Variants in PRRX1 observed in about 807,000 individuals in gnomAD.
PRRX1 encodes the protein paired related homeobox 1.
A neutral mutation model predicts 24.0 loss-of-function variants in PRRX1; 8 were observed. The ratio of observed to expected loss-of-function variants is 0.33; its 90% CI spans 0.20 to 0.60. PRRX1 has a LOEUF of 0.60. Among genes scored for constraint, PRRX1 ranks in the 20% least tolerant of loss-of-function variants. The probability of loss-of-function intolerance (pLI) is 0.82; values close to 1 mark genes in which losing one functional copy is unlikely to be tolerated. For synonymous variants in PRRX1, 160 were observed against 131.7 expected (o/e 1.22, Z -1.47); for missense variants, 281 against 322.4 (o/e 0.87, Z 0.98).
At chr1:170,665,836 C>A (rs540245503) in intron 1 of PRRX1, among the ~76,000 whole-genome samples, 1 of 152,296 alleles carries the variant, frequency 6.6e-6, no homozygotes, top group African/African-American at 2.4e-5. Flanking sequence ...GGCCTAGGGC[C>A]GATCCACCCA....
At chr1:170,729,188 A>G (rs1250348842) in intron 3 of PRRX1, among the ~76,000 whole-genome samples, 1 of 152,230 alleles carries the variant, frequency 6.6e-6, no homozygotes, top group East Asian at 1.9e-4. Flanking sequence ...TAAACCTTGC[A>G]TTGTATTGAA....
intron 1 of PRRX1, among the ~76,000 whole-genome samples, chr1:170,712,154 G>T (rs975726802): frequency 2.0e-5 from 3 of 151,914 alleles, no homozygotes; most frequent in African/African-American, 7.3e-5. Context: ...GGTACCAATT[G>T]CTTATCCGTC....
intron 1 of PRRX1, among the ~76,000 whole-genome samples, chr1:170,713,279 G>A (rs1392255582): frequency 6.6e-6 from 1 of 152,102 alleles, no homozygotes. Context: ...TAATGCGGTG[G>A]GGTGGGGAGA....
intron 1 of PRRX1, chr1:170,667,659 C>T (rs1057239915): frequency 1.3e-5 from 2 of 152,194 alleles, no homozygotes; most frequent in Non-Finnish European, 2.9e-5. Context: ...CTCTCCCCCA[C>T]CCCCAAAGGG....
Position 170,736,541 on chromosome 1 carries a change from AAACTAT to A in PRRX1, c.*357_*362del, listed in dbSNP as rs1431019578. 1.1e-5 allele frequency: 3 copies of A among 268,298 alleles called. No individual in the cohort carries two copies. The highest frequency in any genetic ancestry group is 2.0e-5 in the Non-Finnish European group (3 of 150,130). 16.6% of individuals were successfully genotyped at this position (268,298 alleles called of 1,614,324 possible). On this transcript the variant is annotated 3_prime_UTR_variant, in exon 4 of 4. Transcript: ENST00000239461. ...TTAAAAAAAACTACAGCAGCCAAAG[AAACTAT>A]ATATATATATATATATATATATATC...
chr1:170,681,019 T>C (rs1653486708), intron 1 of PRRX1, among the ~76,000 whole-genome samples: 1 of 152,220 alleles, frequency 6.6e-6, no homozygotes, highest in African/African-American at 2.4e-5. Flanking sequence ...TTATTTGTGT[T>C]TAACCTTGAG....
At chr1:170,698,890 G>A (rs1271370031) in intron 1 of PRRX1, among the ~76,000 whole-genome samples, 1 of 152,108 alleles carries the variant, frequency 6.6e-6, no homozygotes, top group Non-Finnish European at 1.5e-5. Flanking sequence ...TCTGGAGAAG[G>A]GGCCCCGGGC....
At chr1:170,664,512 G>C (rs990170687) in intron 1 of PRRX1, 53 bp downstream of exon 1, 12 of 1,556,546 alleles carry the variant, frequency 7.7e-6, no homozygotes, top group Non-Finnish European at 1.0e-5. Context: ...AGAGGGCGGG[G>C]ACCCGTGTAG....
intron 1 of PRRX1, among the ~76,000 whole-genome samples, chr1:170,666,304 G>T (rs1043204323): frequency 6.7e-6 from 1 of 149,774 alleles, no homozygotes; most frequent in Non-Finnish European, 1.5e-5. Context: ...TGTAATCCCG[G>T]TTACTCAGCA....
At chr1:170,716,039 C>T (rs959393681) in intron 1 of PRRX1, among the ~76,000 whole-genome samples, 8 of 152,104 alleles carry the variant, frequency 5.3e-5, no homozygotes, top group Non-Finnish European at 1.2e-4. Flanking sequence ...GGGCAAGTCA[C>T]GTTGTTCTTC....
intron 1 of PRRX1, among the ~76,000 whole-genome samples, chr1:170,704,001 A>G (rs937215628): frequency 6.6e-6 from 1 of 152,222 alleles, no homozygotes; most frequent in Non-Finnish European, 1.5e-5. Flanking sequence ...AAGCAAAAAT[A>G]AAAATTTTAA....
chr1:170,698,779 C>T (rs1002487838), intron 1 of PRRX1, among the ~76,000 whole-genome samples: 2 of 152,090 alleles, frequency 1.3e-5, no homozygotes, highest in African/African-American at 4.8e-5. Context: ...CTTGTCAGTC[C>T]AGCAGTCTCC....
chr1:170,680,249 A>G (rs1253468773), intron 1 of PRRX1, among the ~76,000 whole-genome samples: 2 of 152,202 alleles, frequency 1.3e-5, no homozygotes, highest in African/African-American at 4.8e-5. Flanking sequence ...TCTGCCCTGA[A>G]TGATAGACCA....
At chr1:170,705,020 A>G (rs553982242) in intron 1 of PRRX1, among the ~76,000 whole-genome samples, 10 of 152,236 alleles carry the variant, frequency 6.6e-5, no homozygotes, top group Non-Finnish European at 1.0e-4. Flanking sequence ...CCAAAGGCAC[A>G]CATGTTATTT....
intron 3 of PRRX1, among the ~76,000 whole-genome samples, chr1:170,729,607 C>A (rs1314123026): frequency 1.3e-5 from 2 of 152,126 alleles, no homozygotes; most frequent in East Asian, 3.8e-4. Flanking sequence ...TATACTAGGA[C>A]AACAGGTATA....
intron 1 of PRRX1, among the ~76,000 whole-genome samples, chr1:170,680,196 T>C (rs115583053): frequency 1.2e-3 from 190 of 152,284 alleles, no homozygotes; most frequent in Non-Finnish European, 2.3e-3. Context: ...TCTAATGAAG[T>C]ATATATAATT....
chr1:170,668,602 T>C (rs1192014063), intron 1 of PRRX1: 1 of 152,210 alleles, frequency 6.6e-6, no homozygotes, highest in African/African-American at 2.4e-5. Flanking sequence ...AGGAATTGCT[T>C]GCCCAATCTA....
At position 170,664,265 on chromosome 1, in the gene PRRX1, G is replaced by C; in HGVS notation, c.47G>C (p.Gly16Ala). The C allele has an allele frequency of 3.1e-6, 5 of 1,612,762 alleles. No individual in the cohort carries two copies. The highest frequency in any genetic ancestry group is 4.2e-6 in the Non-Finnish European group (5 of 1,179,614). ...GTTCTGGAGCGGCAACCGGCGCTGG[G>C]CGGCCGCTTGGACAGCCCGGGCAAC... ...GHVLERQPAL[G>A]GRLDSPGNLD... is the part of the protein sequence containing the mutation. The change falls in exon 1 of 4, where the codon GGC (glycine) becomes GCC (alanine). Residue 16 changes from glycine (G) to alanine (A), a missense_variant. Coordinates refer to ENST00000239461, the MANE Select transcript of PRRX1 (RefSeq NM_022716.4).
At chr1:170,728,104 T>C (rs1202092653) in intron 3 of PRRX1, 4 of 152,294 alleles carry the variant, frequency 2.6e-5, no homozygotes, top group Middle Eastern at 3.4e-3. Flanking sequence ...GGGTCCTCCA[T>C]AGGAACTTTT....
Sources: allele counts gnomAD v4.1 joint callset (sites outside exome capture counted in the v4.1 genomes callset), GRCh38; gene constraint gnomAD v4.1.1; transcripts MANE v1.5; gene names NCBI Gene and HGNC (gene_info 2026-07-23, HGNC 2026-07-21).